The following PRDM16 variants were observed in gnomAD, a reference collection of about 807,000 sequenced individuals.
The protein encoded by PRDM16 is histone-lysine N-methyltransferase PRDM16.
A neutral mutation model predicts 110.6 loss-of-function variants in PRDM16; 23 were observed. The ratio of observed to expected loss-of-function variants is 0.21; its 90% CI spans 0.15 to 0.29. PRDM16 has a LOEUF of 0.29. PRDM16 is among the 10% of genes least tolerant of loss of function. The pLI is 1.00. For missense variants in PRDM16, 1,615 were observed against 1,794.3 expected, an observed-to-expected ratio of 0.90 and a Z score of 1.81; for synonymous variants, 799 against 781.8, an observed-to-expected ratio of 1.02 and a Z score of -0.37.
At chr1:3,214,901 C>A (rs917876016) in intron 2 of PRDM16, among the ~76,000 whole-genome samples, 10 of 152,190 alleles carry the variant, frequency 6.6e-5, no homozygotes, top group African/African-American at 2.4e-4. Flanking sequence ...TTTGGCTGGG[C>A]AGGGCCTGAG....
At chr1:3,135,582 T>A (rs1473428367) in intron 1 of PRDM16, among the ~76,000 whole-genome samples, 2 of 151,958 alleles carry the variant, frequency 1.3e-5, no homozygotes, top group East Asian at 3.9e-4. Context: ...GGCCCGCAGG[T>A]GACACACCAG....
At chr1:3,254,443 A>G (rs1025490164) in intron 3 of PRDM16, among the ~76,000 whole-genome samples, 1 of 152,198 alleles carries the variant, frequency 6.6e-6, no homozygotes. Context: ...CCTTAAGCTG[A>G]TAAGCAACTT....
At chr1:3,230,623 A>C (rs1639384236) in intron 2 of PRDM16, among the ~76,000 whole-genome samples, 1 of 152,194 alleles carries the variant, frequency 6.6e-6, no homozygotes, top group Non-Finnish European at 1.5e-5. Context: ...TTCCCATCTC[A>C]CACCACCTTT....
In PRDM16 at chr1:3,150,005, C is replaced by A. The variant is rs183797519; in HGVS notation, c.38-36120C>A. The stretch of plus-strand genomic sequence containing the variant: ...GGACCAAGAGGCCAGGACAAGTGGA[C>A]ACTGGCTGGGGCGTGTCCATCTCCT... On this transcript the variant is annotated intron_variant, in intron 1 of 16. Coordinates refer to ENST00000270722, the MANE Select transcript of PRDM16 (RefSeq NM_022114.4). Among the ~76,000 whole-genome samples, 504 of 152,366 alleles carry A rather than the reference C, an allele frequency of 3.3e-3. 3 individuals are homozygous for A. Among genetic ancestry groups the A allele is most frequent in the African/African-American group, 0.011 (457 of 41,590 alleles).
Position 3,425,493 on chromosome 1 carries a change from G to A in PRDM16, c.2940-88G>A. 7.0e-7 allele frequency: 1 copy of A among 1,419,240 alleles called. No individual in the cohort carries two copies. Among genetic ancestry groups the A allele is most frequent in the African/African-American group, 1.4e-5 (1 of 70,542 alleles). The allele number at this position is 1,419,240 out of a possible 1,614,324, so 87.9% of individuals were successfully genotyped here. A position where few individuals can be genotyped will look rare whatever the true frequency, so the allele number is the denominator to read the frequency against. On this transcript the variant is annotated intron_variant, in intron 12 of 16. Transcript: ENST00000270722. This position sits in a 1 kb window ranked among gnomAD's most constrained non-coding sequence, Gnocchi z 6.9. ...GCTGTGCACGGGGCACGGGGCAGGG[G>A]CGCGGGCTCCCTTCCCCCCACCCTC...
At chr1:3,262,217 C>T (rs1188642463) in intron 3 of PRDM16, among the ~76,000 whole-genome samples, 1 of 152,240 alleles carries the variant, frequency 6.6e-6, no homozygotes, top group Non-Finnish European at 1.5e-5. Flanking sequence ...TAAGCACAGA[C>T]ATGAGGCTCC....
chr1:3,238,711 G>T (rs1014938480), intron 2 of PRDM16, among the ~76,000 whole-genome samples: 1 of 152,168 alleles, frequency 6.6e-6, no homozygotes, highest in East Asian at 1.9e-4. Flanking sequence ...GAGCTTGGCC[G>T]TGGAGAGAGT....
At chr1:3,229,591 T>C (rs7516069) in intron 2 of PRDM16, among the ~76,000 whole-genome samples, 14,932 of 152,246 alleles carry the variant, frequency 0.098, 876 homozygotes, top group South Asian at 0.24. Context: ...ACAGGCAGGA[T>C]GGCAGAATCG....
intron 3 of PRDM16, among the ~76,000 whole-genome samples, chr1:3,254,523 G>C (rs1041431831): frequency 6.6e-6 from 1 of 151,980 alleles, no homozygotes; most frequent in Non-Finnish European, 1.5e-5. Context: ...ATAACAGACA[G>C]AGAGCCAAAT....
Position 3,228,485 on chromosome 1 carries a change from C to T in PRDM16, c.388-15602C>T, listed in dbSNP as rs139754800. ...TCAGAGTAACGCTGTTGGTCTCCTGCGGCCCAAAGGGAGCTCTGGGCCAGC... is the reference window on the plus strand; with the variant it reads ...TCAGAGTAACGCTGTTGGTCTCCTGTGGCCCAAAGGGAGCTCTGGGCCAGC... On this transcript the variant is annotated intron_variant, in intron 2 of 16. Transcript: ENST00000270722. Among the ~76,000 whole-genome samples the T allele has an allele frequency of 3.0e-3, 453 of 152,334 alleles. 2 individuals carry two copies. The highest frequency in any genetic ancestry group is 0.01 in the African/African-American group (434 of 41,570).
At chr1:3,077,587 G>A (rs981551598) in intron 1 of PRDM16, among the ~76,000 whole-genome samples, 1 of 152,222 alleles carries the variant, frequency 6.6e-6, no homozygotes, top group African/African-American at 2.4e-5. Context: ...TGGGGTCCTG[G>A]AGCCAGGCTG....
chr1:3,425,309 A>G lies in PRDM16; in HGVS notation c.2940-272A>G, dbSNP rs1177001476. The G allele has an allele frequency of 6.5e-6, 2 of 308,908 alleles. No individual in the cohort carries two copies. The highest frequency in any genetic ancestry group is 1.2e-5 in the Non-Finnish European group (2 of 165,122). 19.1% of individuals were successfully genotyped at this position (308,908 alleles called of 1,614,324 possible). On this transcript the variant is annotated intron_variant, in intron 12 of 16. Transcript: ENST00000270722. The surrounding 1 kb of genome is among the most constrained non-coding windows in gnomAD (Gnocchi z 6.9). ...CAGCCAGGATGGTCTCGATCTCCTG[A>G]CCTCGTGATCCACCCGCCTTGGCCT...
chr1:3,242,268 C>CA (rs1412386341), intron 2 of PRDM16, among the ~76,000 whole-genome samples: 2 of 152,246 alleles, frequency 1.3e-5, no homozygotes, highest in African/African-American at 4.8e-5. Flanking sequence ...AACAGCATCT[C>CA]ACTCCTCGAC....
In PRDM16 at chr1:3,436,344, G is replaced by A. The variant is rs770155796; in HGVS notation, c.*2533G>A. 5 of 230,706 alleles carry A rather than the reference G, an allele frequency of 2.2e-5. No individual in the cohort carries two copies. The highest frequency in any genetic ancestry group is 3.4e-5 in the Non-Finnish European group (4 of 116,570). The allele number at this position is 230,706 out of a possible 1,614,324, so 14.3% of individuals were successfully genotyped here. On this transcript the variant is annotated 3_prime_UTR_variant, in exon 17 of 17. Coordinates refer to ENST00000270722, the MANE Select transcript of PRDM16 (RefSeq NM_022114.4). The stretch of plus-strand genomic sequence containing the variant: ...CCGGATCCCCCAGTCCCATCCCGCC[G>A]TTTTCGGCTGTCTTCCTAACCGTCC...
chr1:3,230,027 G>A lies in PRDM16; in HGVS notation c.388-14060G>A, dbSNP rs1311032743. ...TTTGCATGAACACTCTGTGCACTTC[G>A]GATGCATGGCTGTGGCCCAAGGAGG... On this transcript the variant is annotated intron_variant, in intron 2 of 16. Transcript: ENST00000270722. Among the ~76,000 whole-genome samples, 5 of 152,212 alleles carry A rather than the reference G, an allele frequency of 3.3e-5. No homozygotes were observed. In the East Asian group the frequency reaches 7.7e-4, roughly 23 times the overall value.
At chr1:3,247,602 C>T (rs1415897550) in intron 3 of PRDM16, among the ~76,000 whole-genome samples, 1 of 152,250 alleles carries the variant, frequency 6.6e-6, no homozygotes, top group Non-Finnish European at 1.5e-5. Context: ...TCGCCCTGGA[C>T]TCCCGCGTTC....
intron 1 of PRDM16, among the ~76,000 whole-genome samples, chr1:3,091,900 G>T (rs1032020548): frequency 2.0e-5 from 3 of 152,224 alleles, no homozygotes; most frequent in Non-Finnish European, 4.4e-5. Context: ...GTTCGCAGGT[G>T]GTCAGATGCG....
rs140061517 is a variant in PRDM16, at chr1:3,357,175, G to GT, written c.439-27977_439-27976insT. Among the ~76,000 whole-genome samples the GT allele has an allele frequency of 5.4e-3, 819 of 152,280 alleles. 7 individuals carry two copies. The highest frequency in any genetic ancestry group is 0.019 in the African/African-American group (792 of 41,560). On this transcript the variant is annotated intron_variant, in intron 3 of 16. Coordinates refer to ENST00000270722, the MANE Select transcript of PRDM16 (RefSeq NM_022114.4). Reference sequence around the variant, plus strand: ...TGGGGCCGGGCCCTGGGAAGCCTCAGCAGCCAGTCCACCTGCGGGCGGACC... The same window carrying GT: ...TGGGGCCGGGCCCTGGGAAGCCTCAGTCAGCCAGTCCACCTGCGGGCGGACC...
At chr1:3,087,706 C>T (rs937639214) in intron 1 of PRDM16, among the ~76,000 whole-genome samples, 2 of 152,126 alleles carry the variant, frequency 1.3e-5, no homozygotes, top group South Asian at 4.1e-4. Context: ...CGGTGGCCCT[C>T]GCGATGGCTG....
Sources: allele counts gnomAD v4.1 joint callset (sites outside exome capture counted in the v4.1 genomes callset), GRCh38; gene constraint gnomAD v4.1.1; non-coding constraint Gnocchi (gnomAD v3.1); transcripts MANE v1.5; gene names NCBI Gene and HGNC (gene_info 2026-07-23, HGNC 2026-07-21).